Variants in PTPRM observed in about 807,000 individuals in gnomAD.
PTPRM encodes receptor-type tyrosine-protein phosphatase mu.
PTPRM carries 47 observed loss-of-function variants against 186.7 expected under a neutral mutation model. The ratio of observed to expected loss-of-function variants is 0.25; its 90% CI spans 0.20 to 0.32. The LOEUF (loss-of-function observed/expected upper bound fraction) is 0.32. Ranked by LOEUF, PTPRM falls within the 10% of genes least tolerant of loss-of-function variation. The probability of loss-of-function intolerance (pLI) is 1.00; values close to 1 mark genes in which losing one functional copy is unlikely to be tolerated. For synonymous variants in PTPRM, 668 were observed against 674.9 expected (o/e 0.99, Z 0.16); for missense variants, 1,494 against 1,865.0 (o/e 0.80, Z 3.66).
chr18:8,282,825 A>G (rs2094918136), intron 19 of PTPRM, among the ~76,000 whole-genome samples: 1 of 152,212 alleles, frequency 6.6e-6, no homozygotes, highest in Non-Finnish European at 1.5e-5. Context: ...AACTGGAAAC[A>G]GTCAAATTGC....
At chr18:7,829,297 A>G (rs1223700307) in intron 2 of PTPRM, among the ~76,000 whole-genome samples, 1 of 152,194 alleles carries the variant, frequency 6.6e-6, no homozygotes, top group Non-Finnish European at 1.5e-5. Context: ...ATAATTACAT[A>G]TTTGCTTTCC....
chr18:7,644,019 C>G (rs1199174075), intron 1 of PTPRM, among the ~76,000 whole-genome samples: 1 of 152,102 alleles, frequency 6.6e-6, no homozygotes, highest in African/African-American at 2.4e-5. Flanking sequence ...AATGTTTTCT[C>G]TTTTCAAATG....
chr18:7,695,625 A>G (rs780740927), intron 1 of PTPRM, among the ~76,000 whole-genome samples: 80 of 152,240 alleles, frequency 5.3e-4, no homozygotes, highest in African/African-American at 1.5e-3. Flanking sequence ...TTTATTTTCT[A>G]TTTACATGGT....
chr18:7,713,706 A>C (rs985104174), intron 1 of PTPRM, among the ~76,000 whole-genome samples: 4 of 151,800 alleles, frequency 2.6e-5, no homozygotes, highest in Non-Finnish European at 5.9e-5. Flanking sequence ...GCAAAAAAAA[A>C]AAAAAAAGGA....
intron 1 of PTPRM, among the ~76,000 whole-genome samples, chr18:7,750,236 T>C (rs2144605502): frequency 6.6e-6 from 1 of 152,350 alleles, no homozygotes; most frequent in East Asian, 1.9e-4. Flanking sequence ...TAAGTTTATA[T>C]CCTCTTTTCG....
Position 8,394,699 on chromosome 18 carries a change from C to T in PTPRM, c.4344+88C>T, listed in dbSNP as rs1398172906. On this transcript the variant is annotated intron_variant, in intron 32 of 32. Transcript: ENST00000580170. ...TCCCAGATTTGCAGGGAAACTGATG[C>T]GTAGAGGAAGAGACTCATTTTCAAA... is the stretch of plus-strand genomic sequence containing the variant. 9 of 1,361,518 alleles carry T rather than the reference C, an allele frequency of 6.6e-6. No homozygotes were observed. In the East Asian group the frequency reaches 1.0e-4, roughly 16 times the overall value. The allele number at this position is 1,361,518 out of a possible 1,614,324, so 84.3% of individuals were successfully genotyped here. A position where few individuals can be genotyped will look rare whatever the true frequency, so the allele number is the denominator to read the frequency against.
Position 7,790,769 on chromosome 18 carries a change from G to GT in PTPRM, c.196+16503dup, listed in dbSNP as rs1351682750. ...ACTAATCACCTGGGAAAAATTACTGGTTTTTAAATTCTTAAGTCCAGTTCT... is the reference window on the plus strand; with the variant it reads ...ACTAATCACCTGGGAAAAATTACTGGTTTTTTAAATTCTTAAGTCCAGTTCT... On this transcript the variant is annotated intron_variant, in intron 2 of 32. Coordinates refer to ENST00000580170, the MANE Select transcript of PTPRM (RefSeq NM_001105244.2). Among the ~76,000 whole-genome samples the GT allele has an allele frequency of 3.3e-5, 5 of 152,074 alleles. No homozygotes were observed. The East Asian group carries it at 7.7e-4, about 24-fold the overall frequency.
chr18:7,853,290 G>A (rs555672594), intron 2 of PTPRM, among the ~76,000 whole-genome samples: 7 of 152,316 alleles, frequency 4.6e-5, no homozygotes, highest in African/African-American at 1.7e-4. Flanking sequence ...TTATCCTTAT[G>A]TGAGTTACTT....
intron 13 of PTPRM, among the ~76,000 whole-genome samples, 169 bp from the exon 14 acceptor site, chr18:8,143,478 T>TAA (rs2092810431): frequency 6.6e-6 from 1 of 152,346 alleles, no homozygotes; most frequent in South Asian, 2.1e-4. Flanking sequence ...TGTGAACAAT[T>TAA]ACGCTGCTTT....
At chr18:8,096,763 G>T (rs189290214) in intron 11 of PTPRM, among the ~76,000 whole-genome samples, 1 of 152,136 alleles carries the variant, frequency 6.6e-6, no homozygotes, top group Non-Finnish European at 1.5e-5. Flanking sequence ...TCCAAGCTAG[G>T]GCTGATAGCC....
chr18:8,084,200 T>C (rs1268892785), intron 9 of PTPRM, among the ~76,000 whole-genome samples: 1 of 152,136 alleles, frequency 6.6e-6, no homozygotes, highest in African/African-American at 2.4e-5. Context: ...AGGGGCTCAA[T>C]GAATATGTTT....
chr18:7,662,936 C>T (rs928304293), intron 1 of PTPRM, among the ~76,000 whole-genome samples: 6 of 152,262 alleles, frequency 3.9e-5, no homozygotes, highest in Middle Eastern at 3.4e-3. Flanking sequence ...ATGTCTTCAT[C>T]ATGTTTGCAC....
chr18:8,113,640 C>A lies in PTPRM; in HGVS notation c.2011C>A (p.Gln671Lys). The A allele has an allele frequency of 6.2e-7, 1 of 1,614,106 alleles. No homozygotes were observed. The highest frequency in any genetic ancestry group is 8.5e-7 in the Non-Finnish European group (1 of 1,179,960). ...TGCAGAATTTCCTGCAGACAGCCTC[C>A]AAGCTGCGCAGCCTTTTACAATTGG... ...FAAEFPADSLQAAQPFTIGDN... is the reference protein window; with the variant it reads ...FAAEFPADSLKAAQPFTIGDN... Residue 671 changes from glutamine (Q) to lysine (K), a missense_variant, in exon 12 of 33, where the codon CAA becomes AAA. Around this residue, in one of 3 missense-constraint regions of PTPRM, gnomAD observed 1,107 missense variants for 1,350.2 expected, o/e 0.82. Coordinates refer to ENST00000580170, the MANE Select transcript of PTPRM (RefSeq NM_001105244.2).
At chr18:8,115,787 T>G (rs939784456) in intron 13 of PTPRM, among the ~76,000 whole-genome samples, 4 of 152,346 alleles carry the variant, frequency 2.6e-5, no homozygotes, top group Admixed American at 2.6e-4. Context: ...AGTTTGAATA[T>G]ACCATGATGT....
At chr18:7,771,807 C>G (rs2042280785) in intron 1 of PTPRM, among the ~76,000 whole-genome samples, 1 of 152,154 alleles carries the variant, frequency 6.6e-6, no homozygotes, top group Non-Finnish European at 1.5e-5. Flanking sequence ...CAACACAAAA[C>G]TAGGTAAGAT....
At chr18:8,216,805 A>G (rs947488436) in intron 14 of PTPRM, among the ~76,000 whole-genome samples, 1 of 152,252 alleles carries the variant, frequency 6.6e-6, no homozygotes. Flanking sequence ...TTTAAATGCT[A>G]TTAACCAATA....
At chr18:7,941,449 TAAC>T (rs775668429) in intron 5 of PTPRM, among the ~76,000 whole-genome samples, 8 of 152,262 alleles carry the variant, frequency 5.3e-5, no homozygotes, top group Non-Finnish European at 1.2e-4. Context: ...TCTATCCACT[TAAC>T]AAAGTCTGAT....
chr18:8,183,369 A>G (rs1173632707), intron 14 of PTPRM, among the ~76,000 whole-genome samples: 1 of 152,176 alleles, frequency 6.6e-6, no homozygotes, highest in Non-Finnish European at 1.5e-5. Context: ...GTTGCTCATA[A>G]TATAATCAAT....
chr18:7,969,566 C>G (rs887565659), intron 7 of PTPRM, among the ~76,000 whole-genome samples: 4 of 147,606 alleles, frequency 2.7e-5, no homozygotes, highest in African/African-American at 1.0e-4. Context: ...GCTAGCAAGA[C>G]TAATAAAGAA....
Sources: gnomAD v4.1 joint callset for allele counts (sites outside exome capture counted in the v4.1 genomes callset) on GRCh38, gnomAD v4.1.1 for gene constraint, gnomAD v4.1.1 regional missense constraint, MANE v1.5 for transcripts, NCBI Gene and HGNC (gene_info 2026-07-23, HGNC 2026-07-21) for gene names.